Variants in DSCAM observed in about 807,000 individuals in gnomAD.
DSCAM encodes DS cell adhesion molecule, also known as cell adhesion molecule DSCAM.
Under a neutral mutation model 217.7 loss-of-function variants are expected in DSCAM, and 47 were observed. The ratio of observed to expected loss-of-function variants is 0.22; its 90% CI spans 0.17 to 0.28. DSCAM has a LOEUF of 0.28. DSCAM is among the 10% of genes least tolerant of loss of function. DSCAM has a pLI of 1.00. For missense variants in DSCAM, 2,080 were observed against 2,618.3 expected (o/e 0.79, Z 4.49); for synonymous variants, 1,056 against 1,015.3 (o/e 1.04, Z -0.76).
At chr21:40,484,273 T>C (rs1476590155) in intron 3 of DSCAM, among the ~76,000 whole-genome samples, 2 of 152,236 alleles carry the variant, frequency 1.3e-5, no homozygotes, top group African/African-American at 2.4e-5. Context: ...GGGCATTAAA[T>C]GCCCTATCCA....
rs369562381 is a variant in DSCAM at position 40,465,553 on chromosome 21, C to T, written c.509-96308G>A. ...CATTCATCTCATTTCCTTTAGAGCA[C>T]GCATGTCCCACCCGTGGCGTGCAGG... is the stretch of plus-strand genomic sequence containing the variant. On this transcript the variant is annotated intron_variant, in intron 3 of 32. Coordinates refer to ENST00000400454, the MANE Select transcript of DSCAM (RefSeq NM_001389.5). Among the ~76,000 whole-genome samples, 10 of 152,194 alleles carry T rather than the reference C, an allele frequency of 6.6e-5. No homozygotes were observed. In the East Asian group the frequency reaches 7.7e-4, roughly 12 times the overall value.
At position 40,515,722 on chromosome 21, in the gene DSCAM, C is replaced by G. The variant is rs533437400; in HGVS notation, c.509-146477G>C. Among the ~76,000 whole-genome samples the G allele has an allele frequency of 4.0e-3, 602 of 152,232 alleles. 1 individual carries two copies. Among genetic ancestry groups the G allele is most frequent in the African/African-American group, 0.013 (539 of 41,512 alleles). On this transcript the variant is annotated intron_variant, in intron 3 of 32. Transcript: ENST00000400454. Reference sequence around the variant, plus strand: ...TCAACTTTATTCCCGGGTGCACAAGCCCTCCCAGGAGAGCTTCACACTCAG... The same window carrying G: ...TCAACTTTATTCCCGGGTGCACAAGGCCTCCCAGGAGAGCTTCACACTCAG...
intron 11 of DSCAM, among the ~76,000 whole-genome samples, chr21:40,206,843 C>G (rs2091132473): frequency 6.6e-6 from 1 of 152,202 alleles, no homozygotes; most frequent in South Asian, 2.1e-4. Context: ...CCCAACAGGT[C>G]AAGGCTGCAG....
At chr21:40,135,615 G>C (rs923599075) in intron 18 of DSCAM, among the ~76,000 whole-genome samples, 3 of 152,180 alleles carry the variant, frequency 2.0e-5, no homozygotes, top group African/African-American at 7.2e-5. Flanking sequence ...CTTTTTGCCT[G>C]TCTTGGTTTT....
At chr21:40,760,415 G>C (rs1322756042) in intron 1 of DSCAM, among the ~76,000 whole-genome samples, 1 of 152,142 alleles carries the variant, frequency 6.6e-6, no homozygotes, top group Non-Finnish European at 1.5e-5. Flanking sequence ...AGGCTGAGAG[G>C]GTGACGTTAG....
At chr21:40,652,004 C>G (rs546701310) in intron 3 of DSCAM, among the ~76,000 whole-genome samples, 10 of 152,290 alleles carry the variant, frequency 6.6e-5, no homozygotes, top group Non-Finnish European at 1.0e-4. Context: ...GCACTGTTCT[C>G]TAGGGCCATA....
At chr21:40,406,481 G>A (rs79464596) in intron 3 of DSCAM, among the ~76,000 whole-genome samples, 2,196 of 152,272 alleles carry the variant, frequency 0.014, 66 homozygotes, top group African/African-American at 0.05. Flanking sequence ...CAATGAAATC[G>A]TGCCATTTGA....
chr21:40,675,556 T>C (rs1170360609), intron 3 of DSCAM, among the ~76,000 whole-genome samples: 1 of 152,190 alleles, frequency 6.6e-6, no homozygotes, highest in Non-Finnish European at 1.5e-5. Flanking sequence ...TAAGAAAGGG[T>C]TGGAGACTAA....
At chr21:40,165,635 G>C (rs1028414112) in intron 16 of DSCAM, among the ~76,000 whole-genome samples, 7 of 152,198 alleles carry the variant, frequency 4.6e-5, no homozygotes, top group Non-Finnish European at 8.8e-5. Flanking sequence ...TAAAGCCTCA[G>C]AAGTTTCCAT....
chr21:40,638,820 A>C (rs1214271387), intron 3 of DSCAM, among the ~76,000 whole-genome samples: 1 of 152,058 alleles, frequency 6.6e-6, no homozygotes, highest in African/African-American at 2.4e-5. Context: ...ACTGTTTACT[A>C]TTTGTTGTGC....
chr21:40,304,652 G>GAAAC (rs2123470838), intron 9 of DSCAM, among the ~76,000 whole-genome samples: 1 of 152,316 alleles, frequency 6.6e-6, no homozygotes, highest in Admixed American at 6.5e-5. Context: ...TCCTCTCACT[G>GAAAC]AAACACCGGA....
chr21:40,783,356 C>T (rs1313503741), intron 1 of DSCAM, among the ~76,000 whole-genome samples: 2 of 152,110 alleles, frequency 1.3e-5, no homozygotes, highest in Admixed American at 1.3e-4. Context: ...AATACCAAAC[C>T]GTGCACTTGG....
At chr21:40,605,878 G>A (rs998139641) in intron 3 of DSCAM, among the ~76,000 whole-genome samples, 1 of 126,278 alleles carries the variant, frequency 7.9e-6, no homozygotes, top group African/African-American at 3.0e-5. Flanking sequence ...TCAGCTCACT[G>A]CAACCTCCAC....
chr21:40,782,853 G>A (rs889050534), intron 1 of DSCAM, among the ~76,000 whole-genome samples: 13 of 152,206 alleles, frequency 8.5e-5, no homozygotes, highest in Non-Finnish European at 1.6e-4. Flanking sequence ...CGTAATGCAA[G>A]TGACCTTCCA....
At chr21:40,584,437 G>T (rs761700876) in intron 3 of DSCAM, among the ~76,000 whole-genome samples, 7 of 152,204 alleles carry the variant, frequency 4.6e-5, no homozygotes, top group Non-Finnish European at 7.3e-5. Flanking sequence ...TCTCAGAAGC[G>T]TCGGCAGCAG....
chr21:40,440,251 T>A (rs958974322), intron 3 of DSCAM, among the ~76,000 whole-genome samples: 28 of 152,126 alleles, frequency 1.8e-4, no homozygotes, highest in African/African-American at 6.8e-4. Flanking sequence ...AGAAGAAGGG[T>A]AATCACAAAT....
At chr21:40,347,250 A>G (rs1177248743) in intron 6 of DSCAM, among the ~76,000 whole-genome samples, 1 of 148,402 alleles carries the variant, frequency 6.7e-6, no homozygotes, top group Non-Finnish European at 1.5e-5. Flanking sequence ...ATGAGCTGAG[A>G]CTGTGCCACT....
intron 3 of DSCAM, among the ~76,000 whole-genome samples, chr21:40,390,777 G>A (rs73229158): frequency 0.013 from 1,937 of 152,072 alleles, 17 homozygotes; most frequent in Non-Finnish European, 0.02. Flanking sequence ...CAGTCATGTT[G>A]GATTAAGGGC....
At chr21:40,198,119 G>A (rs1448282559) in intron 11 of DSCAM, among the ~76,000 whole-genome samples, 1 of 152,116 alleles carries the variant, frequency 6.6e-6, no homozygotes, top group Non-Finnish European at 1.5e-5. Context: ...TCTCCCGCAA[G>A]CCTATTGCAT....
Sources: gnomAD v4.1 joint callset for allele counts (sites outside exome capture counted in the v4.1 genomes callset) on GRCh38, gnomAD v4.1.1 for gene constraint, MANE v1.5 for transcripts, NCBI Gene and HGNC (gene_info 2026-07-23, HGNC 2026-07-21) for gene names.